The following AFAP1L2 variants were observed in gnomAD, a reference collection of about 807,000 sequenced individuals.
The protein encoded by AFAP1L2 is actin filament-associated protein 1-like 2.
AFAP1L2 carries 46 observed loss-of-function variants against 99.3 expected under a neutral mutation model. That is an observed-to-expected ratio of 0.46 (90% CI 0.37 to 0.59). AFAP1L2 has a LOEUF of 0.59. AFAP1L2 is among the 20% of genes least tolerant of loss of function. AFAP1L2 has a pLI of 0.00. For synonymous variants in AFAP1L2, 397 were observed against 419.1 expected (o/e 0.95, Z 0.64); for missense variants, 959 against 1,034.9 (o/e 0.93, Z 1.01).
chr10:114,395,433 A>G (rs550326079), intron 1 of AFAP1L2, among the ~76,000 whole-genome samples: 58 of 152,314 alleles, frequency 3.8e-4, no homozygotes, highest in South Asian at 4.1e-4. Context: ...AGTTCCTTCC[A>G]AAAGGACCAC....
intron 1 of AFAP1L2, 27 bp downstream of exon 1, chr10:114,404,413 C>T: frequency 1.3e-6 from 2 of 1,539,146 alleles, no homozygotes; most frequent in African/African-American, 1.4e-5. Flanking sequence ...AGTGGGTGTG[C>T]GCCGCGCGAG....
chr10:114,366,229 A>G (rs6585275), intron 1 of AFAP1L2, among the ~76,000 whole-genome samples: 40,701 of 152,172 alleles, frequency 0.27, 5,570 homozygotes, highest in South Asian at 0.46. Flanking sequence ...AGACTGTCAT[A>G]TACACGCGAA....
chr10:114,330,259 C>G (rs1014671832), intron 4 of AFAP1L2, among the ~76,000 whole-genome samples: 4 of 152,124 alleles, frequency 2.6e-5, no homozygotes, highest in Non-Finnish European at 5.9e-5. Context: ...GGGCTGGGAC[C>G]CCCTCCACGG....
chr10:114,372,847 T>C (rs1325726773), intron 1 of AFAP1L2, among the ~76,000 whole-genome samples: 2 of 152,026 alleles, frequency 1.3e-5, no homozygotes, highest in Non-Finnish European at 2.9e-5. Flanking sequence ...CACAGAAAAA[T>C]ACAGATAAAG....
intron 1 of AFAP1L2, among the ~76,000 whole-genome samples, chr10:114,355,930 G>A (rs150035274): frequency 5.9e-4 from 90 of 152,256 alleles, no homozygotes; most frequent in African/African-American, 2.1e-3. Context: ...CAGTAATTGC[G>A]CCACTGCACT....
chr10:114,325,620 AG>A (rs1278301688), intron 4 of AFAP1L2, among the ~76,000 whole-genome samples: 1 of 152,252 alleles, frequency 6.6e-6, no homozygotes, highest in Non-Finnish European at 1.5e-5. Context: ...GCACTGCTGA[AG>A]GGAGCCAGGT....
At chr10:114,327,861 T>C (rs1590207959) in intron 4 of AFAP1L2, among the ~76,000 whole-genome samples, 1 of 152,274 alleles carries the variant, frequency 6.6e-6, no homozygotes, top group South Asian at 2.1e-4. Flanking sequence ...GCTCTAACCA[T>C]CCTGCCCCAG....
downstream of AFAP1L2, chr10:114,294,679 G>C (rs1245118878): frequency 2.5e-5 from 10 of 392,886 alleles, no homozygotes; most frequent in Non-Finnish European, 3.5e-5. Context: ...TTTGCTTTCA[G>C]CCTTATCTAT....
In AFAP1L2 at chr10:114,308,531, C is replaced by T. The variant is rs764822842; in HGVS notation, c.883-14G>A. On this transcript the variant is annotated splice_polypyrimidine_tract_variant and intron_variant, in intron 8 of 18. Transcript: ENST00000304129. ...AGCTATATCTGGCTATGGACAAAAG[C>T]GACATGAATGGGGATCACTGGCTGG... is the stretch of plus-strand genomic sequence containing the variant. 44 of 1,611,270 alleles carry T rather than the reference C, an allele frequency of 2.7e-5. No individual in the cohort carries two copies. Among genetic ancestry groups the T allele is most frequent in the Non-Finnish European group, 3.3e-5 (39 of 1,177,666 alleles).
At chr10:114,285,932 C>A in the AFAP1L2 span, 31 of 1,576,036 alleles carry the variant, frequency 2.0e-5, no homozygotes, top group Non-Finnish European at 1.9e-5. Flanking sequence ...TGCTGTGATC[C>A]CCGCAGCCCT....
chr10:114,392,381 C>T (rs893945221), intron 1 of AFAP1L2, among the ~76,000 whole-genome samples: 6 of 152,072 alleles, frequency 3.9e-5, no homozygotes, highest in Non-Finnish European at 5.9e-5. Flanking sequence ...AGAGCAAGAC[C>T]CTGTTGAAAG....
the AFAP1L2 span, among the ~76,000 whole-genome samples, chr10:114,282,354 G>A: frequency 2.0e-5 from 3 of 152,142 alleles, no homozygotes; most frequent in Admixed American, 1.3e-4. Flanking sequence ...TACTCTATGT[G>A]CAGAGAAAAG....
At chr10:114,403,639 C>T (rs1468619400) in intron 1 of AFAP1L2, among the ~76,000 whole-genome samples, 1 of 152,278 alleles carries the variant, frequency 6.6e-6, no homozygotes, top group East Asian at 1.9e-4. Context: ...GAACCGCAAT[C>T]GAGACTTGTA....
At chr10:114,284,711 C>T in the AFAP1L2 span, 3 of 708,596 alleles carry the variant, frequency 4.2e-6, no homozygotes, top group Non-Finnish European at 6.9e-6. Flanking sequence ...GTGCTTTCCC[C>T]TCTCTGCTGC....
chr10:114,376,766 A>G (rs11196717), intron 1 of AFAP1L2, among the ~76,000 whole-genome samples: 28,412 of 152,150 alleles, frequency 0.19, 3,054 homozygotes, highest in African/African-American at 0.29. Context: ...AGTTAAAAAC[A>G]CTCACAATTT....
At chr10:114,301,283 G>T in intron 13 of AFAP1L2, 71 bp downstream of exon 13, 3 of 1,273,210 alleles carry the variant, frequency 2.4e-6, no homozygotes, top group East Asian at 4.6e-5. Context: ...ATGATCTCTG[G>T]CATCCAGGTG....
chr10:114,390,324 C>T (rs994983203), intron 1 of AFAP1L2, among the ~76,000 whole-genome samples: 1 of 152,182 alleles, frequency 6.6e-6, no homozygotes, highest in Non-Finnish European at 1.5e-5. Flanking sequence ...TCCACCATGA[C>T]AAATAATGCT....
intron 1 of AFAP1L2, among the ~76,000 whole-genome samples, chr10:114,347,082 G>A (rs1346406035): frequency 6.6e-6 from 1 of 152,148 alleles, no homozygotes; most frequent in Non-Finnish European, 1.5e-5. Flanking sequence ...ATGTCAAACT[G>A]AGCAGACCTG....
At chr10:114,283,648 CTCA>C in the AFAP1L2 span, among the ~76,000 whole-genome samples, 1 of 152,224 alleles carries the variant, frequency 6.6e-6, no homozygotes, top group Non-Finnish European at 1.5e-5. Context: ...CTTCAGCTTC[CTCA>C]TCTGTCATAT....
Sources: allele counts gnomAD v4.1 joint callset (sites outside exome capture counted in the v4.1 genomes callset), GRCh38; gene constraint gnomAD v4.1.1; transcripts MANE v1.5; gene names NCBI Gene and HGNC (gene_info 2026-07-23, HGNC 2026-07-21).